The following TMEM43 variants were observed in gnomAD, a reference collection of about 807,000 sequenced individuals.
TMEM43 encodes transmembrane protein 43.
TMEM43 carries 45 observed loss-of-function variants against 49.6 expected under a neutral mutation model. The observed-to-expected ratio is 0.91, with a 90% CI of 0.71 to 1.16. The LOEUF is 1.16. TMEM43 is among the 50% of genes most tolerant of loss of function. TMEM43 has a pLI of 0.00. For synonymous variants in TMEM43, 199 were observed against 207.8 expected (o/e 0.96, Z 0.36); for missense variants, 532 against 516.6 (o/e 1.03, Z -0.29).
Position 14,132,168 on chromosome 3 carries a change from C to T in TMEM43, c.393-378C>T, listed in dbSNP as rs565244185. On this transcript the variant is annotated intron_variant, in intron 4 of 11. Transcript: ENST00000306077. The stretch of plus-strand genomic sequence containing the variant: ...CCACCTGAATCATATGGACTGTGAC[C>T]GACAGGTGGGGAGGTGGTGGGAGGA... Among the ~76,000 whole-genome samples the T allele has an allele frequency of 1.7e-3, 256 of 152,222 alleles. 1 individual carries two copies. The highest frequency in any genetic ancestry group is 5.9e-3 in the African/African-American group (244 of 41,522).
intron 7 of TMEM43, 83 bp downstream of exon 7, chr3:14,133,892 A>G: frequency 8.2e-7 from 1 of 1,218,394 alleles, no homozygotes. Flanking sequence ...CTCAGCCTTC[A>G]GAGGGCTAAA....
intron 10 of TMEM43, among the ~76,000 whole-genome samples, chr3:14,136,736 C>A (rs769554122): frequency 7.3e-6 from 1 of 136,362 alleles, no homozygotes. Context: ...CTGTGTCCTT[C>A]CAGAACATTA....
chr3:14,136,144 A>C (rs1695167056), intron 10 of TMEM43: 1 of 620,376 alleles, frequency 1.6e-6, no homozygotes. Context: ...CTTGGGGATG[A>C]GAACCAAGTC....
intron 11 of TMEM43, among the ~76,000 whole-genome samples, chr3:14,141,079 G>A (rs1695239865): frequency 6.6e-6 from 1 of 152,188 alleles, no homozygotes; most frequent in Admixed American, 6.5e-5. Flanking sequence ...TTGAGGAGAG[G>A]CCAATGCTTA....
intron 3 of TMEM43, 124 bp from the exon 4 acceptor site, chr3:14,131,456 G>A (rs1574937595): frequency 3.8e-6 from 3 of 796,276 alleles, no homozygotes; most frequent in African/African-American, 1.7e-5. Context: ...GCAGTGTAGG[G>A]CTCTCCACCC....
chr3:14,131,597 C>T lies in TMEM43; in HGVS notation c.315C>T (p.Asn105=). The T allele has an allele frequency of 6.2e-7, 1 of 1,614,156 alleles. No individual in the cohort carries two copies. The highest frequency in any genetic ancestry group is 8.5e-7 in the Non-Finnish European group (1 of 1,180,000). Residue 105 remains asparagine, a synonymous_variant, in exon 4 of 12, where the codon AAC becomes AAT. Coordinates refer to ENST00000306077, the MANE Select transcript of TMEM43 (RefSeq NM_024334.3). ...GTTTGAAGCTTTTGTCTGATCCAAA[C>T]TATGGGGTCCATCTTCCGGCTGTGA... The part of the protein sequence containing the change: ...LRTSKLLSDP[N]YGVHLPAVKL...
chr3:14,141,555 G>T, intron 11 of TMEM43, 38 bp from the exon 12 acceptor site: 1 of 1,577,874 alleles, frequency 6.3e-7, no homozygotes, highest in South Asian at 1.1e-5. Flanking sequence ...GTGAGGTGTA[G>T]AGCAGGTGGC....
intron 1 of TMEM43, among the ~76,000 whole-genome samples, chr3:14,125,778 C>T (rs1340031669): frequency 6.6e-6 from 1 of 152,186 alleles, no homozygotes; most frequent in African/African-American, 2.4e-5. Flanking sequence ...CATTTCTCTA[C>T]TGTCGGGGCC....
chr3:14,130,821 G>C lies in TMEM43; in HGVS notation c.163-1G>C, dbSNP rs1060499911. 1 of 1,613,760 alleles carries C rather than the reference G, an allele frequency of 6.2e-7. No homozygotes were observed. Among genetic ancestry groups the C allele is most frequent in the Non-Finnish European group, 8.5e-7 (1 of 1,179,856 alleles). ...AAATCCCCACTCCCCTTTGCTCCCA[G>C]GGCCGCGCATTGAAGACGGCAACCT... On this transcript the variant is annotated splice_acceptor_variant, in intron 2 of 11. Transcript: ENST00000306077. LOFTEE classifies it high-confidence loss of function.
chr3:14,133,622 C>T (rs1695127510), intron 6 of TMEM43, 117 bp from the exon 7 acceptor site: 1 of 922,756 alleles, frequency 1.1e-6, no homozygotes, highest in South Asian at 1.3e-5. Flanking sequence ...TGCGCCTGGG[C>T]TAATCTGGAC....
At chr3:14,132,963 C>T (rs749093805) in intron 6 of TMEM43, 28 bp downstream of exon 6, 7 of 1,569,366 alleles carry the variant, frequency 4.5e-6, no homozygotes, top group South Asian at 3.3e-5. Context: ...GGCCTGAGTG[C>T]AGCTTTGTCT....
Position 14,127,664 on chromosome 3 carries a change from C to A in TMEM43, c.13-1748C>A, listed in dbSNP as rs118082485. On this transcript the variant is annotated intron_variant, in intron 1 of 11. Transcript: ENST00000306077. ...CCTGTGGGCTGGCCTGTGATAGACCCGGTGTGTTTGCCATTGTCATCATTG... is the reference window on the plus strand; with the variant it reads ...CCTGTGGGCTGGCCTGTGATAGACCAGGTGTGTTTGCCATTGTCATCATTG... Among the ~76,000 whole-genome samples, 64 of 152,306 alleles carry A rather than the reference C, an allele frequency of 4.2e-4. No individual in the cohort carries two copies. In the East Asian group the frequency reaches 0.012, roughly 28 times the overall value.
chr3:14,130,929 C>T lies in TMEM43; in HGVS notation c.270C>T (p.His90=), dbSNP rs1385080849. Residue 90 remains histidine, a synonymous_variant, in exon 3 of 12, where the codon CAC becomes CAT. Coordinates refer to ENST00000306077, the MANE Select transcript of TMEM43 (RefSeq NM_024334.3). Reference sequence around the variant, plus strand: ...CGGAGAATGAAGGAAGGCTGGTGCACATCATTGGCGCCTTACGGACATCCA... The same window carrying T: ...CGGAGAATGAAGGAAGGCTGGTGCATATCATTGGCGCCTTACGGACATCCA... ...VAPENEGRLV[H]IIGALRTSKL... is the part of the protein sequence containing the mutation. 6 of 1,613,052 alleles carry T rather than the reference C, an allele frequency of 3.7e-6. No homozygotes were observed. Among genetic ancestry groups the T allele is most frequent in the South Asian group, 1.1e-5 (1 of 91,012 alleles).
intron 1 of TMEM43, among the ~76,000 whole-genome samples, chr3:14,126,253 C>T (rs1574935308): frequency 6.6e-6 from 1 of 152,162 alleles, no homozygotes; most frequent in Non-Finnish European, 1.5e-5. Flanking sequence ...GAATGTTGTA[C>T]CTAGAAAAGC....
chr3:14,135,875 AC>A lies in TMEM43; in HGVS notation c.850del (p.Leu284CysfsTer18). On this transcript the variant is annotated frameshift_variant, in exon 10 of 12. Transcript: ENST00000306077. LOFTEE classifies it high-confidence loss of function. ...TCTCCACCAAGTCTGGGGATACCTTACTGCTCCTGCACCACGGGGACTTCTC... is the reference window on the plus strand; with the variant it reads ...TCTCCACCAAGTCTGGGGATACCTTATGCTCCTGCACCACGGGGACTTCTC... Reference protein sequence around the residue: ...PFSTKSGDTLLLLHHGDFSAE... With the variant: ...PFSTKSGDTLXLLHHGDFSAE... The A allele has an allele frequency of 1.2e-6, 2 of 1,614,100 alleles. No homozygotes were observed. The highest frequency in any genetic ancestry group is 1.7e-6 in the Non-Finnish European group (2 of 1,180,020).
At chr3:14,129,977 T>C (rs1328543697) in intron 2 of TMEM43, among the ~76,000 whole-genome samples, 2 of 152,124 alleles carry the variant, frequency 1.3e-5, no homozygotes, top group Non-Finnish European at 2.9e-5. Context: ...AAAAACCATC[T>C]GTTTCTCTTC....
chr3:14,139,389 G>C, intron 11 of TMEM43, 92 bp downstream of exon 11: 1 of 924,410 alleles, frequency 1.1e-6, no homozygotes, highest in Admixed American at 1.7e-5. Context: ...CAGCCTGATG[G>C]GATGGCCCTT....
chr3:14,140,238 G>C (rs1255020743), intron 11 of TMEM43, among the ~76,000 whole-genome samples: 2 of 152,198 alleles, frequency 1.3e-5, no homozygotes, highest in African/African-American at 4.8e-5. Context: ...GGGCACATTA[G>C]CGAGAGATGA....
intron 1 of TMEM43, among the ~76,000 whole-genome samples, chr3:14,125,775 C>G (rs1277303737): frequency 6.6e-6 from 1 of 152,172 alleles, no homozygotes; most frequent in Non-Finnish European, 1.5e-5. Context: ...GAGCATTTCT[C>G]TACTGTCGGG....
Sources: allele counts gnomAD v4.1 joint callset (sites outside exome capture counted in the v4.1 genomes callset), GRCh38; gene constraint gnomAD v4.1.1; transcripts MANE v1.5; gene names NCBI Gene and HGNC (gene_info 2026-07-23, HGNC 2026-07-21).